The following ZNF469 variants were observed in gnomAD, a reference collection of about 807,000 sequenced individuals.
ZNF469 encodes zinc finger protein 469.
Under a neutral mutation model 1.0 loss-of-function variants are expected in ZNF469, and 1 was observed. The ratio of observed to expected loss-of-function variants is 1.00; its 90% CI spans 0.35 to 4.73. ZNF469 has a LOEUF of 4.73. Ranked by LOEUF, ZNF469 falls within the 30% of genes most tolerant of loss-of-function variation. The pLI, the probability that ZNF469 is intolerant of heterozygous loss-of-function variation, is 0.16. For missense variants in ZNF469, 6,100 were observed against 5,356.3 expected (o/e 1.14, Z -4.33); for synonymous variants, 2,703 against 2,363.4 (o/e 1.14, Z -4.17).
chr16:88,157,201 G>C, the ZNF469 span, among the ~76,000 whole-genome samples: 1 of 151,636 alleles, frequency 6.6e-6, no homozygotes, highest in African/African-American at 2.4e-5. Context: ...TCTCGGGGCT[G>C]AAGCCGACAC....
chr16:88,403,138 C>T (rs1391445522), intron 1 of ZNF469, among the ~76,000 whole-genome samples: 1 of 152,066 alleles, frequency 6.6e-6, no homozygotes, highest in African/African-American at 2.4e-5. Flanking sequence ...GGGTGGAGGC[C>T]GAGTGCGGTT....
At chr16:88,128,735 G>A in the ZNF469 span, among the ~76,000 whole-genome samples, 1 of 152,238 alleles carries the variant, frequency 6.6e-6, no homozygotes, top group African/African-American at 2.4e-5. Context: ...AGCTGCCTGG[G>A]CAAGAGCTGG....
the ZNF469 span, among the ~76,000 whole-genome samples, chr16:88,336,144 T>G: frequency 1.3e-5 from 2 of 151,114 alleles, no homozygotes; most frequent in East Asian, 1.9e-4. Context: ...ATGTTCATCC[T>G]TCACGTGAGA....
At chr16:88,135,522 C>T in the ZNF469 span, among the ~76,000 whole-genome samples, 5 of 152,172 alleles carry the variant, frequency 3.3e-5, no homozygotes, top group South Asian at 8.3e-4. Context: ...GGGGTGAAAA[C>T]TTGGGGTGTT....
At chr16:88,139,171 G>T in the ZNF469 span, among the ~76,000 whole-genome samples, 1 of 95,526 alleles carries the variant, frequency 1.0e-5, no homozygotes, top group Admixed American at 1.0e-4. Flanking sequence ...AGACTGCTCT[G>T]CATCCCACAT....
chr16:88,439,262 T>C lies in ZNF469; in HGVS notation c.11792T>C (p.Leu3931Pro). The part of the protein sequence containing the change: ...THRTAEAQSD[L>P]LSQLFGQRLT... ...CGGACGGCCGAGGCCCAGAGTGACC[T>C]CCTCAGCCAGCTCTTCGGGCAGAGA... The change falls in exon 3 of 3, where the codon CTC (leucine) becomes CCC (proline). Residue 3931 changes from leucine to proline, a missense_variant. Transcript: ENST00000565624. 6.4e-7 allele frequency: 1 copy of C among 1,550,486 alleles called. No homozygotes were observed. Among genetic ancestry groups the C allele is most frequent in the Non-Finnish European group, 8.7e-7 (1 of 1,146,992 alleles).
the ZNF469 span, among the ~76,000 whole-genome samples, chr16:88,331,402 CGT>C: frequency 6.6e-6 from 1 of 151,388 alleles, no homozygotes; most frequent in African/African-American, 2.4e-5. Context: ...TCACTACCAT[CGT>C]CATCACCATC....
chr16:88,149,392 G>C, the ZNF469 span, among the ~76,000 whole-genome samples: 2 of 152,134 alleles, frequency 1.3e-5, no homozygotes, highest in Non-Finnish European at 2.9e-5. Flanking sequence ...CCCCTTATCT[G>C]TCAGGCCGGT....
intron 2 of ZNF469, among the ~76,000 whole-genome samples, chr16:88,425,986 A>T (rs954651453): frequency 1.3e-5 from 2 of 152,240 alleles, no homozygotes; most frequent in Non-Finnish European, 2.9e-5. Flanking sequence ...AGGAAGAGCC[A>T]GCCGGAAGTA....
chr16:88,368,403 G>A, the ZNF469 span, among the ~76,000 whole-genome samples: 1 of 152,218 alleles, frequency 6.6e-6, no homozygotes, highest in Non-Finnish European at 1.5e-5. Context: ...GCGAGGTGGG[G>A]GTTCTGCGAG....
the ZNF469 span, among the ~76,000 whole-genome samples, chr16:88,139,001 T>A: frequency 1.3e-5 from 2 of 152,236 alleles, no homozygotes; most frequent in African/African-American, 4.8e-5. Context: ...CCTGTCCCAA[T>A]GTAAACACAC....
At chr16:88,251,167 C>T in the ZNF469 span, among the ~76,000 whole-genome samples, 7 of 152,190 alleles carry the variant, frequency 4.6e-5, no homozygotes, top group Non-Finnish European at 7.3e-5. Context: ...CATGAGCCAC[C>T]GCGCCCGGCC....
At chr16:88,167,989 A>C in the ZNF469 span, among the ~76,000 whole-genome samples, 1 of 152,246 alleles carries the variant, frequency 6.6e-6, no homozygotes. Context: ...CCTGTCATGC[A>C]GTTTGGCGGG....
chr16:88,217,492 C>T, the ZNF469 span, among the ~76,000 whole-genome samples: 1 of 150,252 alleles, frequency 6.7e-6, no homozygotes, highest in Admixed American at 6.6e-5. Context: ...GCACATTGTG[C>T]AGGTTAGTTA....
At chr16:88,249,524 C>T in the ZNF469 span, among the ~76,000 whole-genome samples, 2 of 148,764 alleles carry the variant, frequency 1.3e-5, no homozygotes, top group Non-Finnish European at 3.0e-5. Context: ...GCAAGCTCCA[C>T]CTCCCTGGTT....
chr16:88,140,473 A>AGCCGTGTAG, the ZNF469 span, among the ~76,000 whole-genome samples: 11 of 151,234 alleles, frequency 7.3e-5, no homozygotes, highest in African/African-American at 2.7e-4. Context: ...GGTAGCACGG[A>AGCCGTGTAG]AAGTCAGTGA....
chr16:88,274,341 A>G, the ZNF469 span, among the ~76,000 whole-genome samples: 1 of 152,220 alleles, frequency 6.6e-6, no homozygotes, highest in African/African-American at 2.4e-5. Context: ...GTGATTGCAC[A>G]ATGCCGGAAA....
At chr16:88,398,384 GGATGAAGGGACATGTGAGCCACA>G (rs199920824) in intron 1 of ZNF469, among the ~76,000 whole-genome samples, 15,032 of 151,010 alleles carry the variant, frequency 0.1, 851 homozygotes, top group African/African-American at 0.14. Context: ...CGTGAGCCAC[GGATGAAGGGACATGTGAGCCACA>G]GATGAAGGGA....
At chr16:88,212,017 A>T in the ZNF469 span, among the ~76,000 whole-genome samples, 1 of 152,172 alleles carries the variant, frequency 6.6e-6, no homozygotes, top group Non-Finnish European at 1.5e-5. Flanking sequence ...TGTAGGGATG[A>T]CTTCTCCATT....
Sources: allele counts gnomAD v4.1 joint callset (sites outside exome capture counted in the v4.1 genomes callset), GRCh38; gene constraint gnomAD v4.1.1; transcripts MANE v1.5; gene names NCBI Gene and HGNC (gene_info 2026-07-23, HGNC 2026-07-21).